The following LPA variants were observed in gnomAD, a reference collection of about 807,000 sequenced individuals.
LPA encodes lipoprotein(a).
Under a neutral mutation model 197.9 loss-of-function variants are expected in LPA, and 199 were observed. The ratio of observed to expected loss-of-function variants is 1.01; its 90% confidence interval spans 0.90 to 1.13. The LOEUF is 1.13. Ranked by LOEUF, LPA falls within the 50% of genes most tolerant of loss-of-function variation. The pLI is 0.00. For missense variants in LPA, 1,853 were observed against 1,785.8 expected, an observed-to-expected ratio of 1.04 and a Z score of -0.68; for synonymous variants, 715 against 639.5, an observed-to-expected ratio of 1.12 and a Z score of -1.78.
chr6:160,599,328 G>A (rs986343656), intron 20 of LPA, among the ~76,000 whole-genome samples, 172 bp downstream of exon 20: 2 of 152,168 alleles, frequency 1.3e-5, no homozygotes, highest in South Asian at 4.1e-4. Flanking sequence ...GGGCAACAAA[G>A]CAAGACTCTG....
intron 14 of LPA, among the ~76,000 whole-genome samples, chr6:160,615,352 TTGTGTGTGTGTG>T (rs370743567): frequency 4.3e-4 from 53 of 122,242 alleles, no homozygotes; most frequent in African/African-American, 1.9e-4. Flanking sequence ...TGTTTTCAGT[TTGTGTGTGTGTG>T]TGTGTGTGTG....
At position 160,540,192 on chromosome 6, in the gene LPA, G is replaced by C. The variant is rs770911603; in HGVS notation, c.5595-9C>G. ...ATGAAGGCCTTGAGGACCTAGAAAA[G>C]ATGAGGATGTCAAGAGAAAAATATG... is the stretch of plus-strand genomic sequence containing the variant. On this transcript the variant is annotated splice_polypyrimidine_tract_variant and intron_variant, in intron 35 of 38. Coordinates refer to ENST00000316300, the MANE Select transcript of LPA (RefSeq NM_005577.4). 2 of 1,614,006 alleles carry C rather than the reference G, an allele frequency of 1.2e-6. No homozygotes were observed. The highest frequency in any genetic ancestry group is 3.3e-5 in the Admixed American group (2 of 60,004).
chr6:160,584,338 T>C (rs1187388463), intron 26 of LPA, among the ~76,000 whole-genome samples: 3 of 147,566 alleles, frequency 2.0e-5, no homozygotes, highest in South Asian at 4.4e-4. Flanking sequence ...CTTCTTCTTT[T>C]TTTTTTTTTT....
chr6:160,594,063 CT>C lies in LPA; in HGVS notation c.3523del (p.Ser1175ValfsTer21). ...VQDCYHGDGQ[S>X]YRGSFSTTVT... ...AGTGGTAGAGAATGAGCCTCGATAACTCTGTCCATCACCATGGTAGCAATCC... is the reference window on the plus strand; with the variant it reads ...AGTGGTAGAGAATGAGCCTCGATAACCTGTCCATCACCATGGTAGCAATCC... On this transcript the variant is annotated frameshift_variant, in exon 22 of 39. Transcript: ENST00000316300. LOFTEE classifies it high-confidence loss of function. 1 of 1,613,998 alleles carries C rather than the reference CT, an allele frequency of 6.2e-7. No individual in the cohort carries two copies. The highest frequency in any genetic ancestry group is 8.5e-7 in the Non-Finnish European group (1 of 1,179,884).
At chr6:160,553,570 A>T (rs2115008260) in intron 30 of LPA, among the ~76,000 whole-genome samples, 1 of 152,258 alleles carries the variant, frequency 6.6e-6, no homozygotes, top group East Asian at 1.9e-4. Context: ...GGCATCGGTC[A>T]CTTTCATTAC....
intron 28 of LPA, among the ~76,000 whole-genome samples, chr6:160,560,675 A>T (rs1778345674): frequency 6.6e-6 from 1 of 151,782 alleles, no homozygotes; most frequent in Non-Finnish European, 1.5e-5. Flanking sequence ...TTGCTTGTAC[A>T]TTCTAAACAT....
intron 30 of LPA, among the ~76,000 whole-genome samples, chr6:160,553,565 C>A (rs563106917): frequency 3.9e-5 from 6 of 152,122 alleles, no homozygotes; most frequent in Admixed American, 3.9e-4. Flanking sequence ...GAGAAGGCAT[C>A]GGTCACTTTC....
At chr6:160,605,827 C>T (rs1352698351) in intron 17 of LPA, among the ~76,000 whole-genome samples, 1 of 152,258 alleles carries the variant, frequency 6.6e-6, no homozygotes, top group East Asian at 1.9e-4. Flanking sequence ...GACCCACATC[C>T]TGAGTTGCAA....
chr6:160,663,256 G>C (rs1397831232), intron 1 of LPA, among the ~76,000 whole-genome samples: 1 of 152,126 alleles, frequency 6.6e-6, no homozygotes, highest in East Asian at 1.9e-4. Context: ...CAGTTACATT[G>C]GAATGTGTTT....
chr6:160,591,641 T>C (rs1779031844), intron 22 of LPA, among the ~76,000 whole-genome samples: 1 of 152,216 alleles, frequency 6.6e-6, no homozygotes. Context: ...ACCTGGAGTA[T>C]GGTATAGCAA....
Position 160,577,110 on chromosome 6 carries a change from T to C in LPA, c.4631+26A>G, listed in dbSNP as rs1316491434. The stretch of plus-strand genomic sequence containing the variant: ...CAATATTTGAGTTGGCTGTTGCTCC[T>C]CTTATGGTTTTAATCAAATACATAC... On this transcript the variant is annotated intron_variant, in intron 28 of 38. Transcript: ENST00000316300. The C allele has an allele frequency of 3.1e-6, 5 of 1,611,746 alleles. No individual in the cohort carries two copies. The Admixed American group carries it at 6.7e-5, about 22-fold the overall frequency.
intron 2 of LPA, among the ~76,000 whole-genome samples, chr6:160,649,200 C>T (rs1375670893): frequency 6.6e-6 from 1 of 152,124 alleles, no homozygotes; most frequent in Non-Finnish European, 1.5e-5. Context: ...CTACTGAATG[C>T]CCAAGATGTT....
intron 29 of LPA, among the ~76,000 whole-genome samples, chr6:160,556,549 G>A (rs1338841703): frequency 6.6e-6 from 1 of 152,088 alleles, no homozygotes; most frequent in Non-Finnish European, 1.5e-5. Context: ...TTGGCTGTCA[G>A]TAGGGGACAG....
rs776001781 is a variant in LPA, at chr6:160,594,080, G to A, written c.3507C>T (p.Tyr1169=). ...TEQSPGVQDC[Y]HGDGQSYRGS... The stretch of plus-strand genomic sequence containing the variant: ...CTCGATAACTCTGTCCATCACCATG[G>A]TAGCAATCCTGGACCCCGGGGCTTT... The change falls in exon 22 of 39, where the codon TAC becomes TAT. Residue 1169 remains tyrosine (Y), a synonymous_variant. Coordinates refer to ENST00000316300, the MANE Select transcript of LPA (RefSeq NM_005577.4). The A allele has an allele frequency of 2.4e-5, 39 of 1,613,902 alleles. No homozygotes were observed. The highest frequency in any genetic ancestry group is 3.2e-5 in the Non-Finnish European group (38 of 1,179,848).
chr6:160,557,300 T>A, intron 29 of LPA, 90 bp downstream of exon 29: 1 of 1,456,578 alleles, frequency 6.9e-7, no homozygotes, highest in Non-Finnish European at 9.6e-7. Context: ...AGTTTCTGTG[T>A]AGCATGGAAG....
At chr6:160,604,324 C>T (rs1779302450) in intron 18 of LPA, among the ~76,000 whole-genome samples, 1 of 152,104 alleles carries the variant, frequency 6.6e-6, no homozygotes, top group African/African-American at 2.4e-5. Context: ...TCATTGTTCC[C>T]CCTGTCACTA....
At chr6:160,553,923 C>G (rs1243334340) in intron 30 of LPA, among the ~76,000 whole-genome samples, 1,265 of 88,392 alleles carry the variant, frequency 0.014, 20 homozygotes, top group African/African-American at 0.052. Context: ...CTCTCTTTCT[C>G]TCTCTCTCTC....
intron 30 of LPA, among the ~76,000 whole-genome samples, chr6:160,548,927 C>G (rs969901821): frequency 6.6e-6 from 1 of 152,072 alleles, no homozygotes; most frequent in South Asian, 2.1e-4. Context: ...AGGAAATACC[C>G]GAGACAGACT....
At position 160,607,920 on chromosome 6, in the gene LPA, C is replaced by G. The variant is rs547505749; in HGVS notation, c.2604-1262G>C. The stretch of plus-strand genomic sequence containing the variant: ...TAGGATTTGCAATATCTCCTTGAAC[C>G]CACACAGTAACATTTTATTAATATT... On this transcript the variant is annotated intron_variant, in intron 16 of 38. Transcript: ENST00000316300. Among the ~76,000 whole-genome samples, 18 of 152,170 alleles carry G rather than the reference C, an allele frequency of 1.2e-4. No homozygotes were observed. The South Asian group carries it at 3.3e-3, about 28-fold the overall frequency.
Sources: allele counts gnomAD v4.1 joint callset (sites outside exome capture counted in the v4.1 genomes callset), GRCh38; gene constraint gnomAD v4.1.1; transcripts MANE v1.5; gene names NCBI Gene and HGNC (gene_info 2026-07-23, HGNC 2026-07-21).